Variants in PTCSC3 observed in about 807,000 individuals in gnomAD.
PTCSC3 encodes the protein papillary thyroid carcinoma susceptibility candidate 3.
intron 1 of PTCSC3, among the ~76,000 whole-genome samples, chr14:36,163,215 A>G (rs1882009099): frequency 6.6e-6 from 1 of 152,176 alleles, no homozygotes; most frequent in South Asian, 2.1e-4. Flanking sequence ...TCTAAAAACA[A>G]TAACAAACTT....
intron 3 of PTCSC3, among the ~76,000 whole-genome samples, chr14:36,148,509 G>T (rs894391385): frequency 1.3e-5 from 2 of 152,184 alleles, no homozygotes; most frequent in Admixed American, 1.3e-4. Flanking sequence ...GCAATGCCTC[G>T]CCCTGCTTCG....
At chr14:36,174,497 G>A (rs1253444674) in intron 1 of PTCSC3, among the ~76,000 whole-genome samples, 4 of 152,112 alleles carry the variant, frequency 2.6e-5, no homozygotes, top group Admixed American at 2.6e-4. Context: ...TTATTTGTAT[G>A]TCTAGTGATT....
At chr14:36,170,343 A>G (rs1345979690) in intron 1 of PTCSC3, among the ~76,000 whole-genome samples, 1 of 152,114 alleles carries the variant, frequency 6.6e-6, no homozygotes, top group Non-Finnish European at 1.5e-5. Context: ...AGTATTCTGA[A>G]CAAGAACTCC....
chr14:36,147,855 T>G (rs1328085927), intron 3 of PTCSC3, among the ~76,000 whole-genome samples: 6 of 152,016 alleles, frequency 3.9e-5, no homozygotes, highest in Non-Finnish European at 8.8e-5. Context: ...GGAAGTCCTT[T>G]CTGTTTGTTA....
intron 3 of PTCSC3, among the ~76,000 whole-genome samples, chr14:36,137,142 A>T (rs2078169713): frequency 6.6e-6 from 1 of 152,180 alleles, no homozygotes; most frequent in South Asian, 2.1e-4. Context: ...ATAACATTTG[A>T]GCAGAAACAC....
chr14:36,166,881 A>G (rs1882097117), intron 1 of PTCSC3, among the ~76,000 whole-genome samples: 1 of 152,216 alleles, frequency 6.6e-6, no homozygotes, highest in South Asian at 2.1e-4. Flanking sequence ...TGGAAGGTTA[A>G]AAGTGCAGTT....
At chr14:36,160,568 T>C (rs746471689) in intron 2 of PTCSC3, among the ~76,000 whole-genome samples, 10 of 152,240 alleles carry the variant, frequency 6.6e-5, no homozygotes, top group Non-Finnish European at 1.3e-4. Flanking sequence ...TCTTCTGGTT[T>C]GTAGGGTTTC....
At chr14:36,169,971 A>G (rs1444149787) in intron 1 of PTCSC3, among the ~76,000 whole-genome samples, 2 of 152,160 alleles carry the variant, frequency 1.3e-5, no homozygotes, top group Non-Finnish European at 2.9e-5. Context: ...ATCTAGGACC[A>G]TAAGCTCTAG....
At chr14:36,155,363 A>G (rs1387937007) in intron 2 of PTCSC3, among the ~76,000 whole-genome samples, 1 of 152,204 alleles carries the variant, frequency 6.6e-6, no homozygotes, top group Non-Finnish European at 1.5e-5. Flanking sequence ...GATGATATAC[A>G]TACTACTATA....
chr14:36,146,762 G>C (rs1181233373), intron 3 of PTCSC3, among the ~76,000 whole-genome samples: 2 of 151,970 alleles, frequency 1.3e-5, no homozygotes, highest in African/African-American at 2.4e-5. Context: ...TAGTCTCGAT[G>C]GTCTTTACAT....
intron 1 of PTCSC3, among the ~76,000 whole-genome samples, chr14:36,175,066 G>C (rs1009164764): frequency 1.3e-5 from 2 of 152,118 alleles, no homozygotes; most frequent in African/African-American, 4.8e-5. Flanking sequence ...GGAGATCCCT[G>C]CTGGATTCTG....
At chr14:36,176,500 T>C (rs1357874832), upstream of PTCSC3, 1 of 152,078 alleles carries the variant, frequency 6.6e-6, no homozygotes, top group Non-Finnish European at 1.5e-5. Flanking sequence ...AATTCTGTTT[T>C]GCTTTGGAGA....
At chr14:36,136,648 A>C (rs530652494) in intron 3 of PTCSC3, among the ~76,000 whole-genome samples, 1 of 152,168 alleles carries the variant, frequency 6.6e-6, no homozygotes, top group Admixed American at 6.5e-5. Flanking sequence ...CTTATAATAC[A>C]GGCCCCTTAT....
At chr14:36,162,267 A>G (rs1453233033) in intron 2 of PTCSC3, among the ~76,000 whole-genome samples, 1 of 47,292 alleles carries the variant, frequency 2.1e-5, no homozygotes, top group African/African-American at 4.1e-5. Context: ...GGAAAAAAAA[A>G]AAAAAAAAAA....
intron 3 of PTCSC3, among the ~76,000 whole-genome samples, chr14:36,138,319 G>A (rs978356830): frequency 4.6e-5 from 7 of 152,092 alleles, no homozygotes; most frequent in Non-Finnish European, 8.8e-5. Flanking sequence ...AGATTTCTTG[G>A]AACACAAAGT....
chr14:36,164,522 T>C (rs975481552), intron 1 of PTCSC3, among the ~76,000 whole-genome samples: 3 of 152,232 alleles, frequency 2.0e-5, no homozygotes, highest in Non-Finnish European at 2.9e-5. Context: ...CCAGTCATTC[T>C]TTTCATCATG....
chr14:36,170,778 C>CTAT (rs1162073775), intron 1 of PTCSC3, among the ~76,000 whole-genome samples: 1 of 151,972 alleles, frequency 6.6e-6, no homozygotes, highest in African/African-American at 2.4e-5. Context: ...GGCAAGTGAC[C>CTAT]TATTTGTTGG....
At chr14:36,148,016 C>G (rs1566504667) in intron 3 of PTCSC3, among the ~76,000 whole-genome samples, 1 of 152,168 alleles carries the variant, frequency 6.6e-6, no homozygotes, top group African/African-American at 2.4e-5. Flanking sequence ...GGCAGTCTGC[C>G]CATTCTCAGA....
chr14:36,174,668 C>G (rs1882251012), intron 1 of PTCSC3, among the ~76,000 whole-genome samples: 1 of 152,136 alleles, frequency 6.6e-6, no homozygotes, highest in Non-Finnish European at 1.5e-5. Flanking sequence ...GATCTGTGGA[C>G]AGTCCAAGGT....
Sources: gnomAD v4.1 joint callset for allele counts (sites outside exome capture counted in the v4.1 genomes callset) on GRCh38, gnomAD v4.1.1 for gene constraint, MANE v1.5 for transcripts, NCBI Gene and HGNC (gene_info 2026-07-23, HGNC 2026-07-21) for gene names.